Variants in RAD51B observed in about 807,000 individuals in gnomAD.
The protein encoded by RAD51B is DNA repair protein RAD51 homolog 2.
In RAD51B, 38 loss-of-function variants were observed where a neutral mutation model predicts 42.2. The observed-to-expected ratio is 0.90, with a 90% CI of 0.70 to 1.18. The LOEUF (loss-of-function observed/expected upper bound fraction) is 1.18, where lower values mean the gene tolerates loss of function less well. Ranked by LOEUF, RAD51B falls within the 50% of genes most tolerant of loss-of-function variation. The pLI is 0.00. For synonymous variants in RAD51B, 154 were observed against 145.2 expected, an observed-to-expected ratio of 1.06 and a Z score of -0.43; for missense variants, 373 against 400.7, an observed-to-expected ratio of 0.93 and a Z score of 0.59.
intron 7 of RAD51B, among the ~76,000 whole-genome samples, chr14:68,285,621 T>A (rs1337392959): frequency 6.6e-6 from 1 of 152,152 alleles, no homozygotes; most frequent in Non-Finnish European, 1.5e-5. Context: ...CTGGCCCAGT[T>A]AAAGTGATTT....
At chr14:68,288,171 A>G (rs1031912362) in intron 7 of RAD51B, among the ~76,000 whole-genome samples, 1 of 152,242 alleles carries the variant, frequency 6.6e-6, no homozygotes, top group Non-Finnish European at 1.5e-5. Flanking sequence ...TTTTAAGAGT[A>G]TAGTTTTCAA....
chr14:68,143,141 T>C (rs1458258365), intron 7 of RAD51B, among the ~76,000 whole-genome samples: 3 of 152,178 alleles, frequency 2.0e-5, no homozygotes, highest in African/African-American at 7.2e-5. Flanking sequence ...TTTGCCACTT[T>C]CTAAGTTTTG....
chr14:68,505,620 G>T (rs754545487), intron 10 of RAD51B, among the ~76,000 whole-genome samples: 1 of 145,244 alleles, frequency 6.9e-6, no homozygotes, highest in Non-Finnish European at 1.5e-5. Context: ...GCATGATCTC[G>T]GCTCACTGCA....
At chr14:67,869,418 A>G (rs1444451002) in intron 5 of RAD51B, among the ~76,000 whole-genome samples, 5 of 152,170 alleles carry the variant, frequency 3.3e-5, no homozygotes, top group African/African-American at 1.2e-4. Context: ...CAAAGCCTCC[A>G]AGAAATATGG....
intron 8 of RAD51B, among the ~76,000 whole-genome samples, chr14:68,390,841 A>C (rs2083727265): frequency 6.6e-6 from 1 of 152,232 alleles, no homozygotes; most frequent in Non-Finnish European, 1.5e-5. Context: ...TGAGATACAT[A>C]GAGAAAGAGC....
intron 7 of RAD51B, among the ~76,000 whole-genome samples, chr14:67,940,649 G>T (rs2045168708): frequency 6.6e-6 from 1 of 152,024 alleles, no homozygotes; most frequent in Non-Finnish European, 1.5e-5. Context: ...AGAGATATAA[G>T]TTCTCATTAC....
Position 68,227,505 on chromosome 14 carries a change from G to A in RAD51B, c.757-64379G>A, listed in dbSNP as rs368662464. On this transcript the variant is annotated intron_variant, in intron 7 of 10. Coordinates refer to ENST00000471583, the MANE Select transcript of RAD51B (RefSeq NM_133510.4). ...ATAAGAATTAAATAAAACAATTCCA[G>A]TAGAGCTGTGATTCTTACTAAAAAA... Among the ~76,000 whole-genome samples, 43 of 152,302 alleles carry A rather than the reference G, an allele frequency of 2.8e-4. 3 individuals carry two copies. The highest frequency in any genetic ancestry group is 2.3e-3 in the East Asian group (12 of 5,192).
At chr14:68,425,467 G>T (rs755750193) in intron 9 of RAD51B, among the ~76,000 whole-genome samples, 1 of 152,192 alleles carries the variant, frequency 6.6e-6, no homozygotes, top group Non-Finnish European at 1.5e-5. Context: ...GCAGGAGTAG[G>T]TTCTTTATAA....
In RAD51B at chr14:68,426,888, G is replaced by A. The variant is rs778686271; in HGVS notation, c.957+15361G>A. ...CTCTAGGAGGGCAGATGGTTTCCAG[G>A]GACAGACCCAGGGTACCATCCACAG... On this transcript the variant is annotated intron_variant, in intron 9 of 10. Transcript: ENST00000471583. Among the ~76,000 whole-genome samples the A allele has an allele frequency of 4.6e-5, 7 of 152,104 alleles. No individual in the cohort carries two copies. In the East Asian group the frequency reaches 7.7e-4, roughly 17 times the overall value.
Position 67,825,453 on chromosome 14 carries a change from T to A in RAD51B, c.85-11T>A, listed in dbSNP as rs1290335746. 1 of 1,571,898 alleles carries A rather than the reference T, an allele frequency of 6.4e-7. No homozygotes were observed. The highest frequency in any genetic ancestry group is 2.2e-5 in the East Asian group (1 of 44,586). On this transcript the variant is annotated splice_polypyrimidine_tract_variant and intron_variant, in intron 2 of 10. Coordinates refer to ENST00000471583, the MANE Select transcript of RAD51B (RefSeq NM_133510.4). ...ATATATGTTTAAAATACTCTCTTTA[T>A]GTTTCTTTAGGACTTTTTATGTCTT... is the stretch of plus-strand genomic sequence containing the variant.
chr14:68,409,951 C>G (rs564811487), intron 8 of RAD51B, among the ~76,000 whole-genome samples: 2 of 152,330 alleles, frequency 1.3e-5, no homozygotes, highest in Admixed American at 1.3e-4. Context: ...TATCCCCAGG[C>G]TTGTTGAGAC....
chr14:68,608,195 A>T (rs907456688), intron 10 of RAD51B, among the ~76,000 whole-genome samples: 5 of 152,196 alleles, frequency 3.3e-5, no homozygotes, highest in African/African-American at 1.2e-4. Flanking sequence ...ACCCTCTCCA[A>T]ACACCACATT....
At chr14:68,073,542 G>A (rs777270873) in intron 7 of RAD51B, among the ~76,000 whole-genome samples, 15 of 152,140 alleles carry the variant, frequency 9.9e-5, no homozygotes, top group Admixed American at 5.9e-4. Context: ...ATATTGATAT[G>A]TGCAGATTTG....
chr14:68,083,690 T>C (rs1008893243), intron 7 of RAD51B, among the ~76,000 whole-genome samples: 8 of 152,246 alleles, frequency 5.3e-5, no homozygotes, highest in Admixed American at 2.0e-4. Context: ...TTCATATTTC[T>C]TGATAGAAAA....
chr14:68,398,983 G>C (rs1379140340), intron 8 of RAD51B, among the ~76,000 whole-genome samples: 1 of 152,140 alleles, frequency 6.6e-6, no homozygotes, highest in Non-Finnish European at 1.5e-5. Context: ...CAAAGATTCT[G>C]ATTCATCAGG....
Position 68,077,636 on chromosome 14 carries a change from T to G in RAD51B, c.756+190432T>G, listed in dbSNP as rs916231001. 5.8e-4 allele frequency among the ~76,000 whole-genome samples: 89 copies of G among 152,158 alleles called. 5 individuals carry two copies. The highest frequency in any genetic ancestry group is 2.9e-5 in the Non-Finnish European group (2 of 68,030). On this transcript the variant is annotated intron_variant, in intron 7 of 10. Coordinates refer to ENST00000471583, the MANE Select transcript of RAD51B (RefSeq NM_133510.4). ...CAAACAAAAATATGAGTTGAATATCTTATTTGCTAGCAGTATGTTACATTA... is the reference window on the plus strand; with the variant it reads ...CAAACAAAAATATGAGTTGAATATCGTATTTGCTAGCAGTATGTTACATTA...
At chr14:68,120,610 A>G (rs747477202) in intron 7 of RAD51B, among the ~76,000 whole-genome samples, 1 of 152,180 alleles carries the variant, frequency 6.6e-6, no homozygotes, top group Non-Finnish European at 1.5e-5. Flanking sequence ...ACATCTGAGA[A>G]GGACAGGTCT....
chr14:67,864,778 T>A, intron 4 of RAD51B: 6 of 719,882 alleles, frequency 8.3e-6, no homozygotes, highest in Non-Finnish European at 1.4e-5. Context: ...ATTTTCTCAA[T>A]TCCTCCAAGG....
intron 7 of RAD51B, among the ~76,000 whole-genome samples, chr14:68,207,902 G>A (rs879553203): frequency 5.3e-5 from 8 of 151,994 alleles, no homozygotes; most frequent in Non-Finnish European, 1.0e-4. Flanking sequence ...GTTAATTAAT[G>A]TTTAATGTTT....
Sources: gnomAD v4.1 joint callset for allele counts (sites outside exome capture counted in the v4.1 genomes callset) on GRCh38, gnomAD v4.1.1 for gene constraint, MANE v1.5 for transcripts, NCBI Gene and HGNC (gene_info 2026-07-23, HGNC 2026-07-21) for gene names.